HTRA1: variants seen among roughly 807,000 people sequenced by gnomAD.
The protein encoded by HTRA1 is HtrA serine peptidase 1.
HTRA1 carries 26 observed loss-of-function variants against 49.7 expected under a neutral mutation model. The ratio of observed to expected loss-of-function variants is 0.52; its 90% CI spans 0.38 to 0.73. HTRA1 has a LOEUF of 0.73. HTRA1 is among the 30% of genes least tolerant of loss of function. The pLI is 0.00. For missense variants in HTRA1, 561 were observed against 667.2 expected (o/e 0.84, Z 1.75); for synonymous variants, 291 against 286.9 (o/e 1.01, Z -0.14).
At chr10:122,512,368 G>A (rs2097506038) in intron 8 of HTRA1, among the ~76,000 whole-genome samples, 1 of 152,178 alleles carries the variant, frequency 6.6e-6, no homozygotes, top group African/African-American at 2.4e-5. Flanking sequence ...CCAGAGAGAG[G>A]GTTTCAGGAA....
intron 1 of HTRA1, 73 bp from the exon 2 acceptor site, chr10:122,488,829 T>C (rs1385645870): frequency 8.1e-7 from 1 of 1,231,678 alleles, no homozygotes; most frequent in African/African-American, 1.5e-5. Context: ...CTTGGCTTCC[T>C]CTAACCCATG....
Position 122,506,954 on chromosome 10 carries a change from G to A in HTRA1, c.972+69G>A. 7.3e-7 allele frequency: 1 copy of A among 1,375,906 alleles called. No homozygotes were observed. The highest frequency in any genetic ancestry group is 1.0e-6 in the Non-Finnish European group (1 of 976,718). 85.2% of individuals were successfully genotyped at this position (1,375,906 alleles called of 1,614,324 possible). A position where few individuals can be genotyped will look rare whatever the true frequency, so the allele number is the denominator to read the frequency against. The stretch of plus-strand genomic sequence containing the variant: ...TGCCAGGGGGAGAGGAGTCAGCATA[G>A]GTCTTAGCCCCTGACTTTGTTGTAG... On this transcript the variant is annotated intron_variant, in intron 4 of 8. Coordinates refer to ENST00000368984, the MANE Select transcript of HTRA1 (RefSeq NM_002775.5). This position sits in a 1 kb window ranked among gnomAD's most constrained non-coding sequence, Gnocchi z 5.2.
intron 1 of HTRA1, among the ~76,000 whole-genome samples, chr10:122,476,596 G>A (rs1053575662): frequency 1.3e-5 from 2 of 152,158 alleles, no homozygotes; most frequent in East Asian, 1.9e-4. Flanking sequence ...GCCACCCAGC[G>A]ACTGGCCGTT....
rs922231838 is a variant in HTRA1, at chr10:122,464,639, C to G, written c.472+2515C>G. ...GGAAGGCACTGCTTTGCTGCGCCCC[C>G]TCTCTGGATCTCACACTCCACCCTT... On this transcript the variant is annotated intron_variant, in intron 1 of 8. Coordinates refer to ENST00000368984, the MANE Select transcript of HTRA1 (RefSeq NM_002775.5). The surrounding 1 kb of genome is among the most constrained non-coding windows in gnomAD (Gnocchi z 4.8). Among the ~76,000 whole-genome samples, 22 of 152,322 alleles carry G rather than the reference C, an allele frequency of 1.4e-4. No individual in the cohort carries two copies. Among genetic ancestry groups the G allele is most frequent in the African/African-American group, 5.3e-4 (22 of 41,564 alleles).
intron 3 of HTRA1, among the ~76,000 whole-genome samples, chr10:122,505,055 G>A (rs2097502477): frequency 6.6e-6 from 1 of 152,218 alleles, no homozygotes; most frequent in Admixed American, 6.5e-5. Flanking sequence ...ACACCTAGAT[G>A]GTGCTTACAG....
Position 122,502,642 on chromosome 10 carries a change from C to T in HTRA1, c.778-4049C>T, listed in dbSNP as rs547680933. On this transcript the variant is annotated intron_variant, in intron 3 of 8. Transcript: ENST00000368984. ...TCCCTGCAGGCTGGGGGCCAGTGGGCGTTTTTCTTCTAGATGCCCCCTCTC... is the reference window on the plus strand; with the variant it reads ...TCCCTGCAGGCTGGGGGCCAGTGGGTGTTTTTCTTCTAGATGCCCCCTCTC... Among the ~76,000 whole-genome samples the T allele has an allele frequency of 1.9e-3, 283 of 152,290 alleles. 1 individual carries two copies. Among genetic ancestry groups the T allele is most frequent in the African/African-American group, 6.5e-3 (269 of 41,568 alleles).
chr10:122,471,258 G>C (rs1486789236), intron 1 of HTRA1, among the ~76,000 whole-genome samples: 1 of 152,136 alleles, frequency 6.6e-6, no homozygotes, highest in African/African-American at 2.4e-5. Flanking sequence ...AACCCAGTAG[G>C]AAAAGTCTGA....
chr10:122,482,947 T>C (rs1204051640), intron 1 of HTRA1, among the ~76,000 whole-genome samples: 1 of 138,402 alleles, frequency 7.2e-6, no homozygotes, highest in Admixed American at 7.2e-5. Context: ...AAAAAGCACA[T>C]ATTCATTTTG....
In HTRA1 at chr10:122,506,241, G is replaced by A. The variant is rs535347123; in HGVS notation, c.778-450G>A. Reference sequence around the variant, plus strand: ...AGGACGGATGTGCACATGATGAGTCGGGGCAGGTTTCACTGCCTGTAGCTT... The same window carrying A: ...AGGACGGATGTGCACATGATGAGTCAGGGCAGGTTTCACTGCCTGTAGCTT... On this transcript the variant is annotated intron_variant, in intron 3 of 8. Coordinates refer to ENST00000368984, the MANE Select transcript of HTRA1 (RefSeq NM_002775.5). The surrounding 1 kb of genome is among the most constrained non-coding windows in gnomAD (Gnocchi z 5.2). 4.2e-4 allele frequency among the ~76,000 whole-genome samples: 64 copies of A among 152,144 alleles called. No individual in the cohort carries two copies. Among genetic ancestry groups the A allele is most frequent in the Admixed American group, 1.4e-3 (22 of 15,292 alleles).
Position 122,487,632 on chromosome 10 carries a change from T to A in HTRA1, c.473-1270T>A, listed in dbSNP as rs1041589439. On this transcript the variant is annotated intron_variant, in intron 1 of 8. Coordinates refer to ENST00000368984, the MANE Select transcript of HTRA1 (RefSeq NM_002775.5). The surrounding 1 kb of genome is among the most constrained non-coding windows in gnomAD (Gnocchi z 4.8). ...TGCATCACTGAGCAACAGGGATACG[T>A]TCTGAGAAATGCGTCGTTAGGCGAT... 1.3e-5 allele frequency among the ~76,000 whole-genome samples: 2 copies of A among 152,204 alleles called. No homozygotes were observed. Among genetic ancestry groups the A allele is most frequent in the African/African-American group, 4.8e-5 (2 of 41,470 alleles).
intron 1 of HTRA1, among the ~76,000 whole-genome samples, chr10:122,470,299 C>A (rs1278300739): frequency 6.6e-6 from 1 of 152,196 alleles, no homozygotes; most frequent in Non-Finnish European, 1.5e-5. Context: ...TCAGTTTCCT[C>A]ATCTACAACA....
intron 1 of HTRA1, among the ~76,000 whole-genome samples, chr10:122,488,515 T>C (rs1192632938): frequency 6.6e-6 from 1 of 152,066 alleles, no homozygotes; most frequent in African/African-American, 2.4e-5. Context: ...TGAGCCAAGA[T>C]TGCGCCATTG....
rs141925572 is a variant in HTRA1 at position 122,506,753 on chromosome 10, C to T, written c.840C>T (p.Val280=). The T allele has an allele frequency of 2.2e-5, 35 of 1,613,738 alleles. No individual in the cohort carries two copies. Among genetic ancestry groups the T allele is most frequent in the African/African-American group, 2.0e-4 (15 of 75,026 alleles). ...AGCTGCGGCCGGGAGAGTTCGTGGT[C>T]GCCATCGGAAGCCCGTTTTCCCTTC... ...SSELRPGEFV[V]AIGSPFSLQN... The change falls in exon 4 of 9, where the codon GTC becomes GTT. Residue 280 remains valine, a synonymous_variant. Transcript: ENST00000368984. The surrounding 1 kb of genome is among the most constrained non-coding windows in gnomAD (Gnocchi z 5.2).
At chr10:122,499,357 C>G (rs150841910) in intron 3 of HTRA1, among the ~76,000 whole-genome samples, 4 of 152,128 alleles carry the variant, frequency 2.6e-5, no homozygotes, top group African/African-American at 9.7e-5. Flanking sequence ...TGTGATAGGT[C>G]GAGAGAGACA....
intron 1 of HTRA1, among the ~76,000 whole-genome samples, chr10:122,462,656 C>T (rs574887021): frequency 6.6e-6 from 1 of 152,332 alleles, no homozygotes; most frequent in East Asian, 1.9e-4. Context: ...TGCCGGCCCG[C>T]CCCGGAGTTT....
chr10:122,467,544 G>A (rs2097484276), intron 1 of HTRA1, among the ~76,000 whole-genome samples: 1 of 152,132 alleles, frequency 6.6e-6, no homozygotes, highest in African/African-American at 2.4e-5. Context: ...GCCAAGGCTG[G>A]CATCGAATAG....
At chr10:122,470,044 T>G (rs1323037404) in intron 1 of HTRA1, among the ~76,000 whole-genome samples, 1 of 152,200 alleles carries the variant, frequency 6.6e-6, no homozygotes, top group African/African-American at 2.4e-5. Context: ...GAATGTGTGT[T>G]CTGTCATTGT....
At chr10:122,496,258 T>TTTTTTTTTTTTTTTTTTG (rs1565427230) in intron 3 of HTRA1, among the ~76,000 whole-genome samples, 1 of 132,506 alleles carries the variant, frequency 7.5e-6, no homozygotes, top group African/African-American at 2.8e-5. Context: ...TTTTTTTTTT[T>TTTTTTTTTTTTTTTTTTG]TGCAGAGATG....
At position 122,496,224 on chromosome 10, in the gene HTRA1, G is replaced by GTTTTTTTTTTTTTTTTTTTTT; in HGVS notation, c.777+6598_777+6599insTTTTTTTTTTTTTTTTTTTTT. Among the ~76,000 whole-genome samples the GTTTTTTTTTTTTTTTTTTTTT allele has an allele frequency of 6.2e-5, 2 of 32,106 alleles. 1 individual carries two copies. The highest frequency in any genetic ancestry group is 1.2e-3 in the East Asian group (2 of 1,650). The allele number at this position is 32,106 out of a possible 152,430, so 21.1% of individuals were successfully genotyped here. On this transcript the variant is annotated intron_variant, in intron 3 of 8. Coordinates refer to ENST00000368984, the MANE Select transcript of HTRA1 (RefSeq NM_002775.5). ...GCCCTTTCGTTTGCCAGAGATTGTG[G>GTTTTTTTTTTTTTTTTTTTTT]GTTCTTTTTTTTTTTTTTTTTTTTT...
Sources: gnomAD v4.1 joint callset for allele counts (sites outside exome capture counted in the v4.1 genomes callset) on GRCh38, gnomAD v4.1.1 for gene constraint, Gnocchi (gnomAD v3.1) non-coding constraint, MANE v1.5 for transcripts, NCBI Gene and HGNC (gene_info 2026-07-23, HGNC 2026-07-21) for gene names.